The following PHACTR4 variants were observed in gnomAD, a reference collection of about 807,000 sequenced individuals.
The protein encoded by PHACTR4 is phosphatase and actin regulator 4.
A neutral mutation model predicts 72.7 loss-of-function variants in PHACTR4; 51 were observed. The observed-to-expected ratio is 0.70, with a 90% CI of 0.56 to 0.89. PHACTR4 has a LOEUF of 0.89. PHACTR4 is among the 40% of genes least tolerant of loss of function. The pLI is 0.00. For missense variants in PHACTR4, 731 were observed against 861.8 expected, an observed-to-expected ratio of 0.85 and a Z score of 1.90; for synonymous variants, 255 against 302.5, an observed-to-expected ratio of 0.84 and a Z score of 1.63.
chr1:28,373,777 C>T (rs1167811150), intron 1 of PHACTR4, among the ~76,000 whole-genome samples: 1 of 152,150 alleles, frequency 6.6e-6, no homozygotes, highest in Non-Finnish European at 1.5e-5. Context: ...ATTTAATCCT[C>T]ACTACAGTTC....
intron 2 of PHACTR4, among the ~76,000 whole-genome samples, chr1:28,445,180 C>T (rs1657361168): frequency 6.6e-6 from 1 of 151,974 alleles, no homozygotes; most frequent in South Asian, 2.1e-4. Flanking sequence ...GTCCTGAACT[C>T]CTGACCTCAT....
chr1:28,404,805 A>G (rs1350634246), intron 1 of PHACTR4, among the ~76,000 whole-genome samples: 1 of 152,142 alleles, frequency 6.6e-6, no homozygotes, highest in East Asian at 1.9e-4. Flanking sequence ...GTACACTTGC[A>G]GGTTTGTTAT....
intron 2 of PHACTR4, among the ~76,000 whole-genome samples, chr1:28,430,208 T>C (rs937902174): frequency 5.3e-5 from 8 of 152,004 alleles, no homozygotes; most frequent in African/African-American, 1.9e-4. Context: ...GTATTTTTAG[T>C]AGAGATAGGG....
chr1:28,383,825 T>G (rs946925836), intron 1 of PHACTR4, among the ~76,000 whole-genome samples: 1 of 152,226 alleles, frequency 6.6e-6, no homozygotes, highest in African/African-American at 2.4e-5. Flanking sequence ...CCTCTCTTCC[T>G]ATTTAGATGC....
intron 1 of PHACTR4, among the ~76,000 whole-genome samples, chr1:28,391,084 G>C (rs933134999): frequency 1.3e-5 from 2 of 148,934 alleles, no homozygotes; most frequent in African/African-American, 2.5e-5. Flanking sequence ...GGCGACAAGA[G>C]TGAGACCCTG....
intron 2 of PHACTR4, among the ~76,000 whole-genome samples, chr1:28,414,314 C>T (rs1226411753): frequency 6.6e-6 from 1 of 151,952 alleles, no homozygotes; most frequent in African/African-American, 2.4e-5. Flanking sequence ...GATCCGCCTG[C>T]CTCGGCCTAC....
chr1:28,379,364 G>T (rs965507697), intron 1 of PHACTR4, among the ~76,000 whole-genome samples: 2 of 151,090 alleles, frequency 1.3e-5, no homozygotes, highest in African/African-American at 4.9e-5. Context: ...ACCTCCTCAG[G>T]CTCAGGTGGG....
intron 2 of PHACTR4, among the ~76,000 whole-genome samples, chr1:28,440,086 G>A (rs952395469): frequency 1.3e-5 from 2 of 151,976 alleles, no homozygotes; most frequent in African/African-American, 4.8e-5. Context: ...CGGATCATGA[G>A]GTCAGGCGAT....
chr1:28,464,360 A>G (rs550628826), intron 4 of PHACTR4, among the ~76,000 whole-genome samples: 2 of 152,134 alleles, frequency 1.3e-5, no homozygotes, highest in Non-Finnish European at 1.5e-5. Context: ...ACCTTTATAC[A>G]TGCTGTCCTT....
intron 1 of PHACTR4, among the ~76,000 whole-genome samples, chr1:28,395,842 TAG>T (rs1569813257): frequency 8.7e-4 from 94 of 108,058 alleles, no homozygotes; most frequent in African/African-American, 4.5e-3. Context: ...TTTTTTTTTT[TAG>T]TAGAGACGGG....
intron 2 of PHACTR4, among the ~76,000 whole-genome samples, chr1:28,437,714 G>T (rs1251898205): frequency 6.6e-6 from 1 of 152,066 alleles, no homozygotes. Context: ...ATTAGTGAGG[G>T]CTTTAAAACC....
At chr1:28,463,969 G>A (rs928550340) in intron 4 of PHACTR4, among the ~76,000 whole-genome samples, 2 of 151,704 alleles carry the variant, frequency 1.3e-5, no homozygotes, top group Non-Finnish European at 1.5e-5. Context: ...TGGGCTCAAC[G>A]ATCCTCCCGC....
rs185505302 is a variant in PHACTR4 at position 28,371,871 on chromosome 1, C to T, written c.-39+2046C>T. On this transcript the variant is annotated intron_variant, in intron 1 of 13. Coordinates refer to ENST00000373839, the MANE Select transcript of PHACTR4 (RefSeq NM_001048183.3). ...TCCCTCCCAAAGTGCTGGTATTAAACCTTAAGATAAAGAATACTGTATTTG... is the reference window on the plus strand; with the variant it reads ...TCCCTCCCAAAGTGCTGGTATTAAATCTTAAGATAAAGAATACTGTATTTG... Among the ~76,000 whole-genome samples the T allele has an allele frequency of 3.7e-4, 56 of 151,748 alleles. 2 individuals carry two copies. The East Asian group carries it at 9.7e-3, about 26-fold the overall frequency.
At chr1:28,393,118 A>G (rs963442646) in intron 1 of PHACTR4, among the ~76,000 whole-genome samples, 2 of 151,816 alleles carry the variant, frequency 1.3e-5, no homozygotes, top group African/African-American at 4.8e-5. Flanking sequence ...TCTGAATGTC[A>G]TTTTACACAC....
At chr1:28,425,693 GATATCTAGTGTTGGTA>G (rs747952174) in intron 2 of PHACTR4, among the ~76,000 whole-genome samples, 5 of 152,158 alleles carry the variant, frequency 3.3e-5, no homozygotes, top group Non-Finnish European at 5.9e-5. Flanking sequence ...GTTCCCACTG[GATATCTAGTGTTGGTA>G]ATATTCAGGT....
intron 2 of PHACTR4, among the ~76,000 whole-genome samples, chr1:28,414,630 G>C (rs1021314832): frequency 2.6e-5 from 4 of 151,750 alleles, no homozygotes; most frequent in Non-Finnish European, 5.9e-5. Context: ...CTCCCACCTC[G>C]GCCTCCCCAA....
intron 1 of PHACTR4, among the ~76,000 whole-genome samples, chr1:28,384,196 T>G (rs1273858382): frequency 6.6e-6 from 1 of 151,970 alleles, no homozygotes; most frequent in Non-Finnish European, 1.5e-5. Flanking sequence ...TAGGAAGGAG[T>G]CCCTCCTCTT....
At chr1:28,486,004 AAC>A (rs939831495) in intron 9 of PHACTR4, among the ~76,000 whole-genome samples, 1 of 152,060 alleles carries the variant, frequency 6.6e-6, no homozygotes, top group Non-Finnish European at 1.5e-5. Flanking sequence ...AATTTAAAAA[AAC>A]ACACACAATA....
intron 10 of PHACTR4, chr1:28,489,890 C>T (rs773878742): frequency 3.9e-6 from 2 of 518,968 alleles, no homozygotes; most frequent in Non-Finnish European, 7.7e-6. Context: ...CTCAGCACTA[C>T]TTGGGTATAC....
Sources: allele counts gnomAD v4.1 joint callset (sites outside exome capture counted in the v4.1 genomes callset), GRCh38; gene constraint gnomAD v4.1.1; transcripts MANE v1.5; gene names NCBI Gene and HGNC (gene_info 2026-07-23, HGNC 2026-07-21).